Variants in PIAS2 observed in about 807,000 individuals in gnomAD.
PIAS2 encodes E3 SUMO-protein ligase PIAS2.
Under a neutral mutation model 69.7 loss-of-function variants are expected in PIAS2, and 19 were observed. The ratio of observed to expected loss-of-function variants is 0.27; its 90% CI spans 0.19 to 0.40. The LOEUF is 0.40. Ranked by LOEUF, PIAS2 falls within the 10% of genes least tolerant of loss-of-function variation. The pLI is 1.00. For synonymous variants in PIAS2, 261 were observed against 263.2 expected (o/e 0.99, Z 0.08); for missense variants, 624 against 757.0 (o/e 0.82, Z 2.06).
chr18:46,826,557 A>T (rs573988170), intron 11 of PIAS2, among the ~76,000 whole-genome samples: 3 of 152,222 alleles, frequency 2.0e-5, no homozygotes, highest in Non-Finnish European at 4.4e-5. Context: ...ACATCTAAGC[A>T]TTCATTCCCC....
At chr18:46,858,961 T>C (rs889672921) in intron 3 of PIAS2, among the ~76,000 whole-genome samples, 1 of 152,106 alleles carries the variant, frequency 6.6e-6, no homozygotes, top group African/African-American at 2.4e-5. Flanking sequence ...TGGTGATCAT[T>C]ATTCCAATTT....
chr18:46,888,034 A>T (rs771129903), intron 2 of PIAS2, among the ~76,000 whole-genome samples: 4 of 152,230 alleles, frequency 2.6e-5, no homozygotes, highest in Non-Finnish European at 5.9e-5. Flanking sequence ...TACAAAGTCA[A>T]CACGCAAAAA....
chr18:46,916,797 G>T lies in PIAS2; in HGVS notation c.24+525C>A, dbSNP rs2057976319. On this transcript the variant is annotated intron_variant, in intron 1 of 13. Coordinates refer to ENST00000585916, the MANE Select transcript of PIAS2 (RefSeq NM_004671.5). ...TTCCTCGAAGATGTTAGGAGGCAAG[G>T]GTGGGAGAAGGGGCCTTTTCTCGTG... 3 of 984,864 alleles carry T rather than the reference G, an allele frequency of 3.0e-6. No homozygotes were observed. In the African/African-American group the frequency reaches 5.2e-5, roughly 17 times the overall value. 61.0% of individuals were successfully genotyped at this position (984,864 alleles called of 1,614,324 possible). A position where few individuals can be genotyped will look rare whatever the true frequency, so the allele number is the denominator to read the frequency against.
chr18:46,885,519 T>A (rs376362320), intron 2 of PIAS2, among the ~76,000 whole-genome samples: 2 of 143,302 alleles, frequency 1.4e-5, no homozygotes, highest in East Asian at 2.0e-4. Context: ...AGACTCCATC[T>A]CAAAAAAAAA....
chr18:46,889,315 G>A (rs1361416156), intron 2 of PIAS2, among the ~76,000 whole-genome samples: 3 of 152,104 alleles, frequency 2.0e-5, no homozygotes, highest in Non-Finnish European at 4.4e-5. Flanking sequence ...CAGAGTGGGA[G>A]AAAATATTTG....
intron 2 of PIAS2, among the ~76,000 whole-genome samples, chr18:46,879,663 G>C (rs904597514): frequency 1.3e-5 from 2 of 152,094 alleles, no homozygotes; most frequent in Admixed American, 6.5e-5. Context: ...CAATCCAAGT[G>C]TCCATTGGAG....
At chr18:46,835,899 T>C (rs938960895) in intron 9 of PIAS2, among the ~76,000 whole-genome samples, 1 of 152,196 alleles carries the variant, frequency 6.6e-6, no homozygotes, top group Admixed American at 6.5e-5. Context: ...ACATGCAATA[T>C]AATATGAGAG....
rs3737448 is a variant in PIAS2, at chr18:46,815,405, T to C, written c.1649-56A>G. 9,645 of 1,607,220 alleles carry C rather than the reference T, an allele frequency of 6.0e-3. 534 individuals carry two copies. In the East Asian group the frequency reaches 0.13, roughly 22 times the overall value. ...CTCATATTTTGGGAGACCAGAATTATTTCCCTAAATCATCTTTATCACAAA... is the reference window on the plus strand; with the variant it reads ...CTCATATTTTGGGAGACCAGAATTACTTCCCTAAATCATCTTTATCACAAA... On this transcript the variant is annotated intron_variant, in intron 12 of 13. Transcript: ENST00000585916.
At chr18:46,918,417 T>C (rs1046781599), upstream of PIAS2, among the ~76,000 whole-genome samples, 1 of 152,184 alleles carries the variant, frequency 6.6e-6, no homozygotes, top group Admixed American at 6.5e-5. Flanking sequence ...CGCACTGCAC[T>C]TCCAGGTCTT....
Position 46,810,870 on chromosome 18 carries a change from T to C in PIAS2, c.*1563A>G, listed in dbSNP as rs547954669. On this transcript the variant is annotated 3_prime_UTR_variant, in exon 14 of 14. Coordinates refer to ENST00000585916, the MANE Select transcript of PIAS2 (RefSeq NM_004671.5). ...GGGCACTTCAGTTTGAGAAATCAAT[T>C]GGTTGGACTGGCCATTAAAAAAAGG... is the stretch of plus-strand genomic sequence containing the variant. 6.6e-6 allele frequency: 1 copy of C among 152,000 alleles called. No homozygotes were observed. Among genetic ancestry groups the C allele is most frequent in the East Asian group, 1.9e-4 (1 of 5,168 alleles). The allele number at this position is 152,000 out of a possible 1,614,324, so 9.4% of individuals were successfully genotyped here.
At chr18:46,862,511 C>A (rs975788687) in intron 3 of PIAS2, among the ~76,000 whole-genome samples, 1 of 152,040 alleles carries the variant, frequency 6.6e-6, no homozygotes, top group Non-Finnish European at 1.5e-5. Flanking sequence ...TACAGCCCCC[C>A]AAAAATCATT....
At chr18:46,815,775 C>T in intron 12 of PIAS2, 1 of 999,186 alleles carries the variant, frequency 1.0e-6, no homozygotes, top group South Asian at 4.5e-5. Flanking sequence ...AGTATCGCTT[C>T]TTAAACAGAT....
chr18:46,841,087 A>G (rs2045315128), intron 8 of PIAS2, among the ~76,000 whole-genome samples: 1 of 151,978 alleles, frequency 6.6e-6, no homozygotes, highest in Admixed American at 6.5e-5. Flanking sequence ...CAGACTGAAA[A>G]TCACTAGCTG....
At chr18:46,815,030 G>T (rs1025138144) in intron 13 of PIAS2, among the ~76,000 whole-genome samples, 1 of 152,148 alleles carries the variant, frequency 6.6e-6, no homozygotes, top group Non-Finnish European at 1.5e-5. Context: ...ACCCAGCACT[G>T]CTTCTATTCA....
In PIAS2 at chr18:46,809,953, AAC is replaced by A. The variant is rs2040894342; in HGVS notation, c.*2478_*2479del. 6.6e-6 allele frequency: 1 copy of A among 152,134 alleles called. No homozygotes were observed. The highest frequency in any genetic ancestry group is 1.5e-5 in the Non-Finnish European group (1 of 68,028). The allele number at this position is 152,134 out of a possible 1,614,324, so 9.4% of individuals were successfully genotyped here. Reference sequence around the variant, plus strand: ...CTAGAAAGTCAGGGTCTGGATAAGAAACAGTGACCACATTAAAGGCTGACGGA... The same window carrying A: ...CTAGAAAGTCAGGGTCTGGATAAGAAAGTGACCACATTAAAGGCTGACGGA... On this transcript the variant is annotated 3_prime_UTR_variant, in exon 14 of 14. Coordinates refer to ENST00000585916, the MANE Select transcript of PIAS2 (RefSeq NM_004671.5).
chr18:46,812,498 T>C lies in PIAS2; in HGVS notation c.1801A>G (p.Arg601Gly), dbSNP rs1357161927. The change falls in exon 14 of 14, where the codon AGG (arginine) becomes GGG (glycine). Residue 601 changes from arginine (R) to glycine (G), a missense_variant. Arg to Gly is a moderately radical substitution (Grantham distance 125). Transcript: ENST00000585916. ...CTGGTTATGACCCCTGTCTCACTCC[T>C]GCTGCTGGATGAACTAACATGAGTA... ...SSTHVSSSSS[R>G]SETGVITSSG... 3 of 1,613,070 alleles carry C rather than the reference T, an allele frequency of 1.9e-6. No homozygotes were observed. In the African/African-American group the frequency reaches 4.0e-5, roughly 22 times the overall value.
chr18:46,893,250 C>T (rs1322803195), intron 1 of PIAS2, among the ~76,000 whole-genome samples: 1 of 152,234 alleles, frequency 6.6e-6, no homozygotes, highest in Non-Finnish European at 1.5e-5. Flanking sequence ...TTAGTAAATA[C>T]TTCAATTGAT....
chr18:46,847,533 G>A (rs2145289791), intron 5 of PIAS2, among the ~76,000 whole-genome samples: 1 of 150,430 alleles, frequency 6.6e-6, no homozygotes, highest in South Asian at 2.1e-4. Flanking sequence ...CCAGGCTGGA[G>A]TACAGTGGCG....
At chr18:46,813,245 G>A (rs905168691) in intron 13 of PIAS2, among the ~76,000 whole-genome samples, 3 of 152,078 alleles carry the variant, frequency 2.0e-5, no homozygotes, top group African/African-American at 7.2e-5. Context: ...ACCAAGTTTT[G>A]CAATAAATGT....
Sources: allele counts gnomAD v4.1 joint callset (sites outside exome capture counted in the v4.1 genomes callset), GRCh38; gene constraint gnomAD v4.1.1; transcripts MANE v1.5; gene names NCBI Gene and HGNC (gene_info 2026-07-23, HGNC 2026-07-21).